NUP210: variants seen among roughly 807,000 people sequenced by gnomAD.
The protein encoded by NUP210 is nuclear pore membrane glycoprotein 210.
A neutral mutation model predicts 196.0 loss-of-function variants in NUP210; 151 were observed. The ratio of observed to expected loss-of-function variants is 0.77; its 90% CI spans 0.67 to 0.88. NUP210 has a LOEUF of 0.88. NUP210 is among the 40% of genes least tolerant of loss of function. The pLI is 0.00. For missense variants in NUP210, 2,314 were observed against 2,493.7 expected (o/e 0.93, Z 1.53); for synonymous variants, 1,070 against 1,052.7 (o/e 1.02, Z -0.32).
At chr3:13,320,126 T>TGTAC in intron 36 of NUP210, 147 bp from the exon 37 acceptor site, 2 of 744,088 alleles carry the variant, frequency 2.7e-6, no homozygotes, top group African/African-American at 1.7e-5. Context: ...TGGGCTTCCC[T>TGTAC]CCTGGGGCCC....
In NUP210 at chr3:13,322,202, T is replaced by C. The variant is rs1696566888; in HGVS notation, c.4906A>G (p.Thr1636Ala). Residue 1636 changes from threonine to alanine, a missense_variant, in exon 35 of 40, where the codon ACT (threonine) becomes GCT (alanine). By Grantham distance (58) the Thr-to-Ala change is moderately conservative. Transcript: ENST00000254508. ...AAATCCTCGCAATTACCGAGAGCAG[T>C]GTCAAACTGTGGCTCCACGGTGAAC... ...DVFTVEPQFD[T>A]ALGQYFCSIT... 3 of 1,613,950 alleles carry C rather than the reference T, an allele frequency of 1.9e-6. No individual in the cohort carries two copies. Among genetic ancestry groups the C allele is most frequent in the Admixed American group, 1.7e-5 (1 of 60,016 alleles).
chr3:13,385,568 T>C (rs2124928987), intron 6 of NUP210, among the ~76,000 whole-genome samples: 1 of 152,332 alleles, frequency 6.6e-6, no homozygotes, highest in African/African-American at 2.4e-5. Flanking sequence ...GAAACAGCCC[T>C]GGAGAAGGGC....
chr3:13,369,950 G>T (rs1370422221), intron 13 of NUP210, among the ~76,000 whole-genome samples: 1 of 152,202 alleles, frequency 6.6e-6, no homozygotes, highest in African/African-American at 2.4e-5. Context: ...CCTCCTCAGA[G>T]CCATGATCAG....
In NUP210 at chr3:13,379,846, T is replaced by G; in HGVS notation, c.818-125A>C. ...CTGCTCTCAGTACAGCTGACGCATT[T>G]TCTTAATTGTTTTCAGTGCTTTAAA... On this transcript the variant is annotated intron_variant, in intron 6 of 39. Coordinates refer to ENST00000254508, the MANE Select transcript of NUP210 (RefSeq NM_024923.4). The surrounding 1 kb of genome is among the most constrained non-coding windows in gnomAD (Gnocchi z 4.2). 4.2e-6 allele frequency: 3 copies of G among 722,018 alleles called. No homozygotes were observed. The East Asian group carries it at 9.2e-5, about 22-fold the overall frequency. The allele number at this position is 722,018 out of a possible 1,614,324, so 44.7% of individuals were successfully genotyped here. A position where few individuals can be genotyped will look rare whatever the true frequency, so the allele number is the denominator to read the frequency against.
chr3:13,414,780 G>A (rs1700292387), intron 1 of NUP210, among the ~76,000 whole-genome samples: 1 of 152,240 alleles, frequency 6.6e-6, no homozygotes, highest in African/African-American at 2.4e-5. Flanking sequence ...ATGCCTTGCA[G>A]TTCTGTTTCC....
At chr3:13,406,280 C>T (rs1699997340) in intron 1 of NUP210, among the ~76,000 whole-genome samples, 4 of 152,144 alleles carry the variant, frequency 2.6e-5, no homozygotes, top group Non-Finnish European at 1.5e-5. Context: ...TCTGGGAGCA[C>T]AGGGGCAGGG....
Position 13,397,417 on chromosome 3 carries a change from G to A in NUP210, c.376C>T (p.Arg126Cys), listed in dbSNP as rs758003408. 17 of 1,612,840 alleles carry A rather than the reference G, an allele frequency of 1.1e-5. No homozygotes were observed. The highest frequency in any genetic ancestry group is 2.2e-5 in the South Asian group (2 of 90,928). Residue 126 changes from arginine to cysteine, a missense_variant, in exon 3 of 40, where the codon CGC becomes TGC. Coordinates refer to ENST00000254508, the MANE Select transcript of NUP210 (RefSeq NM_024923.4). ...GGGGAGTCCTCCAGGTAGAGCTCGC[G>A]GGTGGTGGAGACGATCTGGATGTCA... Reference protein sequence around the residue: ...IHDIQIVSTTRELYLEDSPLE... With the variant: ...IHDIQIVSTTCELYLEDSPLE...
In NUP210 at chr3:13,320,059, G is replaced by A. The variant is rs1696457767; in HGVS notation, c.5167-80C>T. ...GAGCGGGGCCTCAGGACCCCGAGGCGGGAGGGCTGCTCTGCATGGCCATCT... is the reference window on the plus strand; with the variant it reads ...GAGCGGGGCCTCAGGACCCCGAGGCAGGAGGGCTGCTCTGCATGGCCATCT... On this transcript the variant is annotated intron_variant, in intron 36 of 39. Transcript: ENST00000254508. 1.9e-5 allele frequency: 25 copies of A among 1,308,828 alleles called. No individual in the cohort carries two copies. The South Asian group carries it at 2.1e-4, about 11-fold the overall frequency. 81.1% of individuals were successfully genotyped at this position (1,308,828 alleles called of 1,614,324 possible). A position where few individuals can be genotyped will look rare whatever the true frequency, so the allele number is the denominator to read the frequency against.
At chr3:13,400,655 A>G (rs1449071989) in intron 1 of NUP210, among the ~76,000 whole-genome samples, 1 of 152,252 alleles carries the variant, frequency 6.6e-6, no homozygotes, top group Non-Finnish European at 1.5e-5. Context: ...TGCTGTCTAC[A>G]GACAGGCTCT....
chr3:13,369,384 T>C (rs1698649408), intron 13 of NUP210, among the ~76,000 whole-genome samples: 1 of 152,230 alleles, frequency 6.6e-6, no homozygotes, highest in Non-Finnish European at 1.5e-5. Context: ...CTTTGTACTC[T>C]GTGGTGTCCT....
Position 13,358,496 on chromosome 3 carries a change from C to G in NUP210, c.2155-101G>C, listed in dbSNP as rs79393819. ...CCAGCTCCCTCTGACTCAGTTTTCT[C>G]CTCTATAGGATGGGAGTGATGACGA... On this transcript the variant is annotated intron_variant, in intron 15 of 39. Transcript: ENST00000254508. 2.4e-3 allele frequency: 2,869 copies of G among 1,204,212 alleles called. 104 individuals are homozygous for G. In the East Asian group the frequency reaches 0.069, roughly 29 times the overall value. 74.6% of individuals were successfully genotyped at this position (1,204,212 alleles called of 1,614,324 possible).
intron 16 of NUP210, among the ~76,000 whole-genome samples, chr3:13,357,101 T>C (rs1698194028): frequency 6.6e-6 from 1 of 152,228 alleles, no homozygotes; most frequent in Non-Finnish European, 1.5e-5. Context: ...TCTCCAGCAG[T>C]GTGGCTTCTC....
rs1198678579 is a variant in NUP210, at chr3:13,391,262, A to G, written c.482T>C (p.Ile161Thr). Residue 161 changes from isoleucine (I) to threonine (T), a missense_variant, in exon 4 of 40, where the codon ATT becomes ACT. Coordinates refer to ENST00000254508, the MANE Select transcript of NUP210 (RefSeq NM_024923.4). ...TLAGLVFEWT[I>T]VKDSEADRFS... ...CCTGTCCGCCTCGGAGTCCTTCACA[A>G]TCGTCCACTCGAAGACCAGTCCAGC... 2.8e-5 allele frequency: 45 copies of G among 1,612,356 alleles called. No homozygotes were observed. The highest frequency in any genetic ancestry group is 3.6e-5 in the Non-Finnish European group (43 of 1,179,440).
At position 13,317,337 on chromosome 3, in the gene NUP210, C is replaced by T. The variant is rs1696310099; in HGVS notation, c.*344G>A. On this transcript the variant is annotated 3_prime_UTR_variant, in exon 40 of 40. Transcript: ENST00000254508. ...CTTCTAAAGAGCACTTCTAACTGCTCAAAGTCTTGAGAAGGGAAAGATTTT... is the reference window on the plus strand; with the variant it reads ...CTTCTAAAGAGCACTTCTAACTGCTTAAAGTCTTGAGAAGGGAAAGATTTT... 1 of 322,584 alleles carries T rather than the reference C, an allele frequency of 3.1e-6. No homozygotes were observed. Among genetic ancestry groups the T allele is most frequent in the Non-Finnish European group, 5.9e-6 (1 of 170,008 alleles). The allele number at this position is 322,584 out of a possible 1,614,324, so 20.0% of individuals were successfully genotyped here.
intron 5 of NUP210, among the ~76,000 whole-genome samples, chr3:13,386,674 C>A (rs1699289328): frequency 6.6e-6 from 1 of 152,062 alleles, no homozygotes; most frequent in Non-Finnish European, 1.5e-5. Context: ...TATGTGAAAC[C>A]ATGATTAAAC....
At chr3:13,363,883 C>T (rs1378722237) in intron 14 of NUP210, among the ~76,000 whole-genome samples, 1 of 152,180 alleles carries the variant, frequency 6.6e-6, no homozygotes, top group Admixed American at 6.5e-5. Flanking sequence ...GCCAAACACC[C>T]TGATAATCCA....
At position 13,325,778 on chromosome 3, in the gene NUP210, G is replaced by A. The variant is rs957446408; in HGVS notation, c.4644+17C>T. 58 of 1,612,036 alleles carry A rather than the reference G, an allele frequency of 3.6e-5. No individual in the cohort carries two copies. The highest frequency in any genetic ancestry group is 4.7e-5 in the Non-Finnish European group (55 of 1,178,986). ...AGGCCACTGAGCCACATGTGCCTCCGGCTGCTTAGAGCCCACCTCCTTGTA... is the reference window on the plus strand; with the variant it reads ...AGGCCACTGAGCCACATGTGCCTCCAGCTGCTTAGAGCCCACCTCCTTGTA... On this transcript the variant is annotated intron_variant, in intron 33 of 39. Transcript: ENST00000254508.
intron 36 of NUP210, among the ~76,000 whole-genome samples, chr3:13,321,040 C>G (rs545926846): frequency 1.3e-5 from 2 of 152,378 alleles, no homozygotes; most frequent in Admixed American, 6.5e-5. Context: ...GCAGAACATG[C>G]GATCACGCTG....
Position 13,325,874 on chromosome 3 carries a change from G to C in NUP210, c.4565C>G (p.Thr1522Arg). 1 of 1,614,070 alleles carries C rather than the reference G, an allele frequency of 6.2e-7. No individual in the cohort carries two copies. Among genetic ancestry groups the C allele is most frequent in the Non-Finnish European group, 8.5e-7 (1 of 1,180,024 alleles). ...CACGGCCCGGGCCACAGCCACACCC[G>C]TCTTGGGGTCGATGTGGAGGATGCT... ...ANSILHIDPK[T>R]GVAVARAVGS... The change falls in exon 33 of 40, where the codon ACG (threonine) becomes AGG (arginine). Residue 1522 changes from threonine (T) to arginine (R), a missense_variant. By Grantham distance (71) the Thr-to-Arg change is moderately conservative (BLOSUM62 -1). Transcript: ENST00000254508.
Sources: gnomAD v4.1 joint callset for allele counts (sites outside exome capture counted in the v4.1 genomes callset) on GRCh38, gnomAD v4.1.1 for gene constraint, Gnocchi (gnomAD v3.1) non-coding constraint, MANE v1.5 for transcripts, NCBI Gene and HGNC (gene_info 2026-07-23, HGNC 2026-07-21) for gene names.